Variants in PPP1R3E observed in about 807,000 individuals in gnomAD.
The protein encoded by PPP1R3E is protein phosphatase 1 regulatory subunit 3E.
A neutral mutation model predicts 18.5 loss-of-function variants in PPP1R3E; 20 were observed. The ratio of observed to expected loss-of-function variants is 1.08; its 90% CI spans 0.76 to 1.58. The LOEUF (loss-of-function observed/expected upper bound fraction) is 1.58. Among genes scored for constraint, PPP1R3E ranks in the 40% most tolerant of loss-of-function variants. PPP1R3E has a pLI of 0.00. For missense variants in PPP1R3E, 498 were observed against 460.2 expected (o/e 1.08, Z -0.75); for synonymous variants, 208 against 208.1 (o/e 1.00, Z 0.00).
intron 1 of PPP1R3E, 133 bp from the exon 2 acceptor site, chr14:23,301,991 C>G: frequency 8.0e-7 from 1 of 1,255,624 alleles, no homozygotes; most frequent in South Asian, 1.8e-5. Flanking sequence ...TGCGGCCCAG[C>G]TGCCAGGGTG....
In PPP1R3E at chr14:23,301,701, C is replaced by A. The variant is rs1011379363; in HGVS notation, c.575G>T (p.Arg192Leu). 2 of 1,369,468 alleles carry A rather than the reference C, an allele frequency of 1.5e-6. No homozygotes were observed. The highest frequency in any genetic ancestry group is 1.9e-6 in the Non-Finnish European group (2 of 1,062,688). 84.8% of individuals were successfully genotyped at this position (1,369,468 alleles called of 1,614,324 possible). The change falls in exon 2 of 5, where the codon CGC becomes CTC. Residue 192 changes from arginine to leucine, a missense_variant. Coordinates refer to ENST00000452015, the MANE Select transcript of PPP1R3E (RefSeq NM_001276318.2). ...DLAYEKRVSV[R>L]WSADGWRSQR... ...GCTCCGCCAGCCGTCGGCGCTCCAG[C>A]GCACGCTCACGCGCTTCTCGTAGGC...
chr14:23,302,250 C>G lies in PPP1R3E; in HGVS notation c.327G>C (p.Leu109=). 6.6e-7 allele frequency: 1 copy of G among 1,518,684 alleles called. No individual in the cohort carries two copies. The highest frequency in any genetic ancestry group is 8.8e-7 in the Non-Finnish European group (1 of 1,140,992). The allele number at this position is 1,518,684 out of a possible 1,614,324, so 94.1% of individuals were successfully genotyped here. A position where few individuals can be genotyped will look rare whatever the true frequency, so the allele number is the denominator to read the frequency against. ...TCTGCACGTGGCGGGGCACCCGGGG[C>G]AGCTCACCGGGACGGAAGCGGCGCA... The part of the protein sequence containing the change: ...AVVRRFRPGE[L]PRVPRHVQIQ... Residue 109 remains leucine (L), a synonymous_variant, in exon 1 of 5, where the codon CTG becomes CTC. Coordinates refer to ENST00000452015, the MANE Select transcript of PPP1R3E (RefSeq NM_001276318.2).
In PPP1R3E at chr14:23,302,556, CG is replaced by C. The variant is rs1282134833; in HGVS notation, c.20del (p.Pro7ArgfsTer9). On this transcript the variant is annotated frameshift_variant, in exon 1 of 5. Coordinates refer to ENST00000452015, the MANE Select transcript of PPP1R3E (RefSeq NM_001276318.2). LOFTEE classifies it high-confidence loss of function. ...TCAGGTTGCGGGGAATGTCGGTGCC[CG>C]GGGGCCGCTCACGGGACATGGCAGC... Reference protein sequence around the residue: MSRERPPGTDIPRNLSF... With the variant: MSRERPXGTDIPRNLSF... 6.1e-6 allele frequency: 9 copies of C among 1,480,330 alleles called. No homozygotes were observed. The highest frequency in any genetic ancestry group is 2.8e-5 in the East Asian group (1 of 35,548). The allele number at this position is 1,480,330 out of a possible 1,614,324, so 91.7% of individuals were successfully genotyped here. A position where few individuals can be genotyped will look rare whatever the true frequency, so the allele number is the denominator to read the frequency against.
intron 4 of PPP1R3E, among the ~76,000 whole-genome samples, chr14:23,299,196 C>T (rs917514534): frequency 3.3e-5 from 5 of 152,268 alleles, no homozygotes; most frequent in Middle Eastern, 3.4e-3. Flanking sequence ...GAACTCCTGA[C>T]CTCAAATGAT....
intron 3 of PPP1R3E, among the ~76,000 whole-genome samples, chr14:23,299,936 T>TTC (rs1209882283): frequency 7.8e-6 from 1 of 127,758 alleles, no homozygotes; most frequent in East Asian, 2.1e-4. Context: ...TGTTTTTTTT[T>TTC]TTTTTTTTTT....
Position 23,295,916 on chromosome 14 carries a change from A to G in PPP1R3E, c.*3388T>C, listed in dbSNP as rs192581101. 1 of 152,760 alleles carries G rather than the reference A, an allele frequency of 6.5e-6. No homozygotes were observed. The highest frequency in any genetic ancestry group is 2.4e-5 in the African/African-American group (1 of 41,552). 9.5% of individuals were successfully genotyped at this position (152,760 alleles called of 1,614,324 possible). ...AATACTTCTGAATATCTTATGACAT[A>G]CTTTCTTTTCATATTTCAACTTTAT... On this transcript the variant is annotated 3_prime_UTR_variant, in exon 5 of 5. Coordinates refer to ENST00000452015, the MANE Select transcript of PPP1R3E (RefSeq NM_001276318.2).
intron 3 of PPP1R3E, among the ~76,000 whole-genome samples, chr14:23,299,930 T>TTG (rs1555325093): frequency 9.3e-6 from 1 of 107,224 alleles, no homozygotes; most frequent in East Asian, 2.1e-4. Flanking sequence ...TGTTTTTGTT[T>TTG]TTTTTTTTTT....
rs1332368291 is a variant in PPP1R3E at position 23,302,556 on chromosome 14, C to T, written c.21G>A (p.Pro7=). MSRERP[P]GTDIPRNLSF... ...TCAGGTTGCGGGGAATGTCGGTGCC[C>T]GGGGGCCGCTCACGGGACATGGCAG... Residue 7 remains proline (P), a synonymous_variant, in exon 1 of 5, where the codon CCG becomes CCA. Transcript: ENST00000452015. The T allele has an allele frequency of 6.8e-7, 1 of 1,480,392 alleles. No individual in the cohort carries two copies. The highest frequency in any genetic ancestry group is 1.3e-5 in the South Asian group (1 of 77,142). The allele number at this position is 1,480,392 out of a possible 1,614,324, so 91.7% of individuals were successfully genotyped here. A position where few individuals can be genotyped will look rare whatever the true frequency, so the allele number is the denominator to read the frequency against.
chr14:23,297,422 T>C lies in PPP1R3E; in HGVS notation c.*1882A>G, dbSNP rs1416968625. 2 of 152,202 alleles carry C rather than the reference T, an allele frequency of 1.3e-5. No homozygotes were observed. Among genetic ancestry groups the C allele is most frequent in the African/African-American group, 4.8e-5 (2 of 41,426 alleles). The allele number at this position is 152,202 out of a possible 1,614,324, so 9.4% of individuals were successfully genotyped here. A position where few individuals can be genotyped will look rare whatever the true frequency, so the allele number is the denominator to read the frequency against. On this transcript the variant is annotated 3_prime_UTR_variant, in exon 5 of 5. Transcript: ENST00000452015. Reference sequence around the variant, plus strand: ...GGCATACTGCCTAATCTTGGTTGGTTTGCAGATGGTGGGGTTTGTGGTAGT... The same window carrying C: ...GGCATACTGCCTAATCTTGGTTGGTCTGCAGATGGTGGGGTTTGTGGTAGT...
Position 23,298,496 on chromosome 14 carries a change from T to C in PPP1R3E, c.*808A>G, listed in dbSNP as rs1484915657. The C allele has an allele frequency of 6.5e-6, 1 of 153,260 alleles. No individual in the cohort carries two copies. Among genetic ancestry groups the C allele is most frequent in the Non-Finnish European group, 1.5e-5 (1 of 68,196 alleles). The allele number at this position is 153,260 out of a possible 1,614,324, so 9.5% of individuals were successfully genotyped here. On this transcript the variant is annotated 3_prime_UTR_variant, in exon 5 of 5. Coordinates refer to ENST00000452015, the MANE Select transcript of PPP1R3E (RefSeq NM_001276318.2). ...TAATGACAATGTTCTACTTACAGGG[T>C]TGTTTTGGGCATGCATGCAAACAAA...
At chr14:23,302,075 G>C (rs574546190) in intron 1 of PPP1R3E, 85 bp downstream of exon 1, 267 of 1,336,366 alleles carry the variant, frequency 2.0e-4, no homozygotes, top group Middle Eastern at 1.9e-3. Flanking sequence ...ATGGAGATGG[G>C]TGCTCTTTGG....
In PPP1R3E at chr14:23,301,556, G is replaced by T. The variant is rs1887037289; in HGVS notation, c.720C>A (p.Tyr240Ter). 2.0e-6 allele frequency: 3 copies of T among 1,484,336 alleles called. No homozygotes were observed. The East Asian group carries it at 8.5e-5, about 42-fold the overall frequency. The allele number at this position is 1,484,336 out of a possible 1,614,324, so 91.9% of individuals were successfully genotyped here. ...CCCAGAACTCGTGACCTGTCACACG[G>T]TAGCGCAAGGCGAAGAGCAGGGCGC... ...IGGALLFALRYRVTGHEFWDN... is the reference protein window; with the variant it reads ...IGGALLFALR Residue 240 changes from tyrosine to a stop codon, truncating the protein, a stop_gained, in exon 2 of 5, where the codon TAC becomes TAA. Coordinates refer to ENST00000452015, the MANE Select transcript of PPP1R3E (RefSeq NM_001276318.2). LOFTEE classifies it high-confidence loss of function.
rs1265464684 is a variant in PPP1R3E at position 23,299,921 on chromosome 14, G to GTTTTTTTTTTTT, written c.*246-381_*246-380insAAAAAAAAAAAA. The stretch of plus-strand genomic sequence containing the variant: ...ATTCAAGTTGCTTTGGTGTTTTTTT[G>GTTTTTTTTTTTT]TTTTTGTTTTTTTTTTTTTTTTTTT... On this transcript the variant is annotated intron_variant, in intron 3 of 4. Transcript: ENST00000452015. 7.7e-4 allele frequency among the ~76,000 whole-genome samples: 34 copies of GTTTTTTTTTTTT among 44,442 alleles called. 1 individual carries two copies. The highest frequency in any genetic ancestry group is 1.4e-3 in the African/African-American group (18 of 12,566). 29.2% of individuals were successfully genotyped at this position (44,442 alleles called of 152,430 possible).
rs1886964792 is a variant in PPP1R3E at position 23,299,526 on chromosome 14, A to G, written c.*261T>C. ...ACCATGGTCTTGGAGAAAAGAAAAT[A>G]GGGTTTCCATCCCTTCTGGAGGGAG... is the stretch of plus-strand genomic sequence containing the variant. On this transcript the variant is annotated 3_prime_UTR_variant, in exon 4 of 5. Coordinates refer to ENST00000452015, the MANE Select transcript of PPP1R3E (RefSeq NM_001276318.2). The G allele has an allele frequency of 6.5e-6, 1 of 152,844 alleles. No individual in the cohort carries two copies. The highest frequency in any genetic ancestry group is 2.1e-4 in the South Asian group (1 of 4,840). 9.5% of individuals were successfully genotyped at this position (152,844 alleles called of 1,614,324 possible).
In PPP1R3E at chr14:23,301,311, C is replaced by T; in HGVS notation, c.*125G>A. The T allele has an allele frequency of 1.0e-6, 1 of 979,604 alleles. No individual in the cohort carries two copies. Among genetic ancestry groups the T allele is most frequent in the Non-Finnish European group, 1.3e-6 (1 of 779,590 alleles). 60.7% of individuals were successfully genotyped at this position (979,604 alleles called of 1,614,324 possible). A position where few individuals can be genotyped will look rare whatever the true frequency, so the allele number is the denominator to read the frequency against. On this transcript the variant is annotated 3_prime_UTR_variant, in exon 2 of 5. Coordinates refer to ENST00000452015, the MANE Select transcript of PPP1R3E (RefSeq NM_001276318.2). ...TGATTTCCCCACCCTTTTCGCCCTC[C>T]CCGGCTTGACTCCCTTGGACCGCTC...
At chr14:23,302,137 G>C (rs1887062455) in intron 1 of PPP1R3E, 23 bp downstream of exon 1, 2 of 1,403,060 alleles carry the variant, frequency 1.4e-6, no homozygotes, top group African/African-American at 3.0e-5. Flanking sequence ...GTCCCCAGGA[G>C]GGGAGGTGCC....
In PPP1R3E at chr14:23,298,061, G is replaced by C. The variant is rs529040170; in HGVS notation, c.*1243C>G. ...ACCAACAGGTGTGGAGCGCTGGCTAGGGCCAGGAGAGAATTCCAATGTATG... is the reference window on the plus strand; with the variant it reads ...ACCAACAGGTGTGGAGCGCTGGCTACGGCCAGGAGAGAATTCCAATGTATG... On this transcript the variant is annotated 3_prime_UTR_variant, in exon 5 of 5. Transcript: ENST00000452015. 6.6e-6 allele frequency: 1 copy of C among 152,430 alleles called. No homozygotes were observed. The highest frequency in any genetic ancestry group is 2.1e-4 in the South Asian group (1 of 4,826). 9.4% of individuals were successfully genotyped at this position (152,430 alleles called of 1,614,324 possible). A position where few individuals can be genotyped will look rare whatever the true frequency, so the allele number is the denominator to read the frequency against.
At chr14:23,301,905 G>C in intron 1 of PPP1R3E, 47 bp from the exon 2 acceptor site, 1 of 1,396,602 alleles carries the variant, frequency 7.2e-7, no homozygotes. Flanking sequence ...GCGGAGAGAG[G>C]GGAGAGACAG....
chr14:23,299,769 C>T (rs1886974722), intron 3 of PPP1R3E, among the ~76,000 whole-genome samples: 1 of 151,918 alleles, frequency 6.6e-6, no homozygotes, highest in African/African-American at 2.4e-5. Flanking sequence ...GAATCACTCC[C>T]CTGTTAAGGT....
Sources: allele counts gnomAD v4.1 joint callset (sites outside exome capture counted in the v4.1 genomes callset), GRCh38; gene constraint gnomAD v4.1.1; transcripts MANE v1.5; gene names NCBI Gene and HGNC (gene_info 2026-07-23, HGNC 2026-07-21).